The following LIPC variants were observed in gnomAD, a reference collection of about 807,000 sequenced individuals.
LIPC encodes the protein lipase C, hepatic type.
In LIPC, 44 loss-of-function variants were observed where a neutral mutation model predicts 50.7. That is an observed-to-expected ratio of 0.87 (90% CI 0.68 to 1.11). The LOEUF (loss-of-function observed/expected upper bound fraction) is 1.11, where lower values mean the gene tolerates loss of function less well. LIPC is among the 50% of genes most tolerant of loss of function. The pLI is 0.00. For synonymous variants in LIPC, 271 were observed against 256.4 expected, an observed-to-expected ratio of 1.06 and a Z score of -0.54; for missense variants, 697 against 648.2, an observed-to-expected ratio of 1.08 and a Z score of -0.82.
At chr15:58,494,817 G>A in intron 1 of LIPC, 1 of 456,204 alleles carries the variant, frequency 2.2e-6, no homozygotes, top group Non-Finnish European at 4.4e-6. Flanking sequence ...GTTCTTGCTT[G>A]GAAATGATCT....
chr15:58,524,910 G>C (rs1892757755), intron 1 of LIPC, among the ~76,000 whole-genome samples: 1 of 152,066 alleles, frequency 6.6e-6, no homozygotes, highest in African/African-American at 2.4e-5. Flanking sequence ...TGGTCATACA[G>C]AAGTTTTTTG....
intron 6 of LIPC, among the ~76,000 whole-genome samples, chr15:58,557,947 C>T (rs1288807294): frequency 1.3e-5 from 2 of 152,208 alleles, no homozygotes; most frequent in Admixed American, 1.3e-4. Context: ...GTTTCCTTGA[C>T]AAACCCCCAA....
chr15:58,566,629 G>T (rs896262740), intron 8 of LIPC, among the ~76,000 whole-genome samples: 2 of 152,158 alleles, frequency 1.3e-5, no homozygotes, highest in Admixed American at 6.5e-5. Flanking sequence ...AAATTCAGTG[G>T]AAGGTGGTTT....
intron 1 of LIPC, among the ~76,000 whole-genome samples, chr15:58,456,963 G>A (rs985653156): frequency 3.9e-5 from 6 of 152,194 alleles, no homozygotes; most frequent in African/African-American, 1.4e-4. Context: ...GCATACCCAG[G>A]GAAACAGAGC....
intron 1 of LIPC, among the ~76,000 whole-genome samples, chr15:58,455,708 T>C (rs1308566922): frequency 6.6e-6 from 1 of 152,190 alleles, no homozygotes; most frequent in Non-Finnish European, 1.5e-5. Context: ...TCAGCAAAAG[T>C]ATTCTGTGAA....
intron 1 of LIPC, among the ~76,000 whole-genome samples, chr15:58,500,172 G>C (rs373502909): frequency 6.6e-6 from 1 of 152,258 alleles, no homozygotes; most frequent in East Asian, 1.9e-4. Flanking sequence ...AAGAGCATGG[G>C]TTTGGGTATG....
intron 1 of LIPC, among the ~76,000 whole-genome samples, chr15:58,497,125 A>G (rs1390321057): frequency 6.6e-6 from 1 of 152,212 alleles, no homozygotes; most frequent in Non-Finnish European, 1.5e-5. Flanking sequence ...GGAAGACATA[A>G]TAGGCAGCTC....
chr15:58,533,951 A>G (rs547928036), intron 1 of LIPC, among the ~76,000 whole-genome samples: 1 of 152,244 alleles, frequency 6.6e-6, no homozygotes, highest in Non-Finnish European at 1.5e-5. Flanking sequence ...TGAAGGGGAA[A>G]AAAAAGGCTA....
At chr15:58,549,846 C>T (rs1375080098) in intron 6 of LIPC, among the ~76,000 whole-genome samples, 6 of 152,156 alleles carry the variant, frequency 3.9e-5, no homozygotes, top group Non-Finnish European at 7.4e-5. Flanking sequence ...GATGGCAGCA[C>T]GCAGGTGAGG....
intron 1 of LIPC, among the ~76,000 whole-genome samples, chr15:58,475,621 T>G (rs1890968097): frequency 6.6e-6 from 1 of 152,210 alleles, no homozygotes; most frequent in East Asian, 1.9e-4. Flanking sequence ...CCTGGAGCAC[T>G]GCATTGCAAC....
At chr15:58,565,106 C>T in intron 8 of LIPC, 6 of 1,279,004 alleles carry the variant, frequency 4.7e-6, no homozygotes, top group Non-Finnish European at 6.5e-6. Flanking sequence ...TACAACCGCA[C>T]TCTGAGATTT....
At chr15:58,509,793 A>G (rs4775066) in intron 1 of LIPC, among the ~76,000 whole-genome samples, 119,008 of 151,948 alleles carry the variant, frequency 0.78, 46,909 homozygotes, top group African/African-American at 0.88. Flanking sequence ...GTCTGCATTT[A>G]GAAACAGACA....
At chr15:58,498,430 G>A (rs1891852722) in intron 1 of LIPC, among the ~76,000 whole-genome samples, 1 of 152,124 alleles carries the variant, frequency 6.6e-6, no homozygotes, top group African/African-American at 2.4e-5. Flanking sequence ...CCCCAAGAGG[G>A]TGAAATTGTA....
intron 1 of LIPC, among the ~76,000 whole-genome samples, chr15:58,439,397 T>C (rs1243237351): frequency 6.6e-6 from 1 of 152,176 alleles, no homozygotes; most frequent in Non-Finnish European, 1.5e-5. Context: ...AGATCAGTGA[T>C]CCTGGAACTG....
intron 1 of LIPC, among the ~76,000 whole-genome samples, chr15:58,482,133 G>C (rs1260427062): frequency 2.0e-5 from 3 of 152,140 alleles, no homozygotes; most frequent in African/African-American, 7.2e-5. Context: ...AGATGATGAA[G>C]TCACATGCAC....
chr15:58,477,949 T>C (rs1485291519), intron 1 of LIPC, among the ~76,000 whole-genome samples: 1 of 151,968 alleles, frequency 6.6e-6, no homozygotes, highest in Non-Finnish European at 1.5e-5. Context: ...CTTCCCAGTC[T>C]CATCTCACCT....
Position 58,539,444 on chromosome 15 carries a change from G to C in LIPC, c.273+927G>C, listed in dbSNP as rs201435654. On this transcript the variant is annotated intron_variant, in intron 2 of 8. Transcript: ENST00000299022. ...ATTCTATTACTATGGAAGAAGGAGA[G>C]AAAGGATATTATTGGCAATAGATGA... 5.3e-5 allele frequency among the ~76,000 whole-genome samples: 8 copies of C among 152,240 alleles called. No homozygotes were observed. The East Asian group carries it at 9.7e-4, about 18-fold the overall frequency.
At chr15:58,446,097 TTGAGA>T (rs1303754353) in intron 1 of LIPC, among the ~76,000 whole-genome samples, 6 of 152,174 alleles carry the variant, frequency 3.9e-5, no homozygotes, top group East Asian at 1.9e-4. Context: ...GTAAAACCAG[TTGAGA>T]TAAGAGGGGG....
chr15:58,552,378 T>TGGCCTCGGCGTAGGACCAAG (rs1306690768), intron 6 of LIPC, among the ~76,000 whole-genome samples: 1 of 152,224 alleles, frequency 6.6e-6, no homozygotes, highest in East Asian at 1.9e-4. Context: ...TTACTGCACT[T>TGGCCTCGGCGTAGGACCAAG]GGCCTCGGCG....
Sources: gnomAD v4.1 joint callset for allele counts (sites outside exome capture counted in the v4.1 genomes callset) on GRCh38, gnomAD v4.1.1 for gene constraint, MANE v1.5 for transcripts, NCBI Gene and HGNC (gene_info 2026-07-23, HGNC 2026-07-21) for gene names.